The following BAALC variants were observed in gnomAD, a reference collection of about 807,000 sequenced individuals.
BAALC encodes brain and acute leukemia cytoplasmic protein.
In BAALC, 9 loss-of-function variants were observed where a neutral mutation model predicts 15.5. The observed-to-expected ratio is 0.58, with a 90% CI of 0.35 to 1.02. BAALC has a LOEUF of 1.02. Ranked by LOEUF, BAALC falls within the 50% of genes least tolerant of loss-of-function variation. The probability of loss-of-function intolerance (pLI) is 0.02; values close to 1 mark genes in which losing one functional copy is unlikely to be tolerated. For missense variants in BAALC, 201 were observed against 192.4 expected, an observed-to-expected ratio of 1.04 and a Z score of -0.27; for synonymous variants, 80 against 74.6, an observed-to-expected ratio of 1.07 and a Z score of -0.37.
chr8:103,171,702 C>A (rs1811498278), intron 1 of BAALC, among the ~76,000 whole-genome samples: 1 of 152,088 alleles, frequency 6.6e-6, no homozygotes, highest in Admixed American at 6.5e-5. Flanking sequence ...TTGTGGAGAA[C>A]AAAGAGAAAC....
intron 2 of BAALC, among the ~76,000 whole-genome samples, chr8:103,223,218 G>C (rs1363748513): frequency 6.6e-6 from 1 of 152,158 alleles, no homozygotes; most frequent in Non-Finnish European, 1.5e-5. Flanking sequence ...TGAGGCAGGA[G>C]AATCTCTTGA....
At chr8:103,192,800 C>T (rs1812000920) in intron 1 of BAALC, among the ~76,000 whole-genome samples, 1 of 152,200 alleles carries the variant, frequency 6.6e-6, no homozygotes, top group Non-Finnish European at 1.5e-5. Context: ...GGGACAGCAT[C>T]CACTCCTTAG....
intron 1 of BAALC, among the ~76,000 whole-genome samples, chr8:103,202,316 CTG>C (rs1346681835): frequency 6.6e-6 from 1 of 152,122 alleles, no homozygotes; most frequent in East Asian, 1.9e-4. Context: ...TCCAGTATGA[CTG>C]GTGTCATAAG....
At chr8:103,211,996 T>C (rs1812456111) in intron 1 of BAALC, among the ~76,000 whole-genome samples, 1 of 152,206 alleles carries the variant, frequency 6.6e-6, no homozygotes, top group African/African-American at 2.4e-5. Flanking sequence ...CCTTTTCTCT[T>C]TCCAATAAGA....
chr8:103,212,112 A>C (rs1224409394), intron 1 of BAALC, among the ~76,000 whole-genome samples: 2 of 152,184 alleles, frequency 1.3e-5, no homozygotes, highest in Non-Finnish European at 2.9e-5. Flanking sequence ...AAAGGCACAC[A>C]TACTCAGTCC....
Position 103,141,033 on chromosome 8 carries a change from C to G in BAALC, c.136C>G (p.Pro46Ala), listed in dbSNP as rs372167132. The G allele has an allele frequency of 3.9e-4, 593 of 1,509,108 alleles. 3 individuals are homozygous for G. In the African/African-American group the frequency reaches 7.4e-3, roughly 19 times the overall value. 93.5% of individuals were successfully genotyped at this position (1,509,108 alleles called of 1,614,324 possible). Residue 46 changes from proline to alanine, a missense_variant, in exon 1 of 3, where the codon CCC becomes GCC. Pro to Ala is a conservative substitution (Grantham distance 27). Transcript: ENST00000309982. ...CAGCGCCGCCGCCCCGGACAGCGGC[C>G]CCGAAGCGGGCGGCCTGCACTCGGG... The part of the protein sequence containing the change: ...PPSAAAPDSG[P>A]EAGGLHSGML...
chr8:103,222,462 T>C (rs756958661), intron 2 of BAALC, among the ~76,000 whole-genome samples: 1 of 152,168 alleles, frequency 6.6e-6, no homozygotes, highest in Non-Finnish European at 1.5e-5. Context: ...ACCTATCTGA[T>C]GAGAATTTAT....
chr8:103,147,154 T>G (rs952773268), intron 1 of BAALC, among the ~76,000 whole-genome samples: 1 of 152,248 alleles, frequency 6.6e-6, no homozygotes, highest in African/African-American at 2.4e-5. Context: ...GAGTCTCATC[T>G]TAGATGCTTT....
intron 2 of BAALC, among the ~76,000 whole-genome samples, chr8:103,224,851 G>T (rs898759698): frequency 6.6e-6 from 1 of 152,142 alleles, no homozygotes; most frequent in African/African-American, 2.4e-5. Context: ...AGTAAGTCAC[G>T]ATATACAGGG....
intron 1 of BAALC, among the ~76,000 whole-genome samples, chr8:103,193,194 A>G (rs1812011695): frequency 6.6e-6 from 1 of 152,236 alleles, no homozygotes; most frequent in Non-Finnish European, 1.5e-5. Context: ...CCCCTGTCAC[A>G]GGCGTCACTT....
chr8:103,168,626 T>G (rs1405244306), intron 1 of BAALC, among the ~76,000 whole-genome samples: 2 of 152,150 alleles, frequency 1.3e-5, no homozygotes, highest in Admixed American at 6.6e-5. Flanking sequence ...AATTTTTTCT[T>G]TTAATTGCCC....
chr8:103,161,518 G>T (rs899699557), intron 1 of BAALC, among the ~76,000 whole-genome samples: 6 of 152,062 alleles, frequency 3.9e-5, no homozygotes, highest in African/African-American at 1.4e-4. Context: ...ATGTGTCCTG[G>T]TTTATTAAAC....
intron 1 of BAALC, among the ~76,000 whole-genome samples, chr8:103,142,340 A>G (rs1810796028): frequency 6.6e-6 from 1 of 152,236 alleles, no homozygotes; most frequent in Admixed American, 6.5e-5. Flanking sequence ...AAGCTGTACA[A>G]TACATTACAC....
chr8:103,220,211 T>C (rs1351712269), intron 2 of BAALC, among the ~76,000 whole-genome samples: 2 of 152,166 alleles, frequency 1.3e-5, no homozygotes, highest in African/African-American at 4.8e-5. Context: ...GCCACCATCT[T>C]TAGTTTGACT....
chr8:103,191,261 G>C (rs1586416728), intron 1 of BAALC: 1 of 152,016 alleles, frequency 6.6e-6, no homozygotes, highest in Non-Finnish European at 1.5e-5. Context: ...ACAAAGAGTG[G>C]GGAACCACTT....
chr8:103,219,020 G>A (rs895393785), intron 2 of BAALC, among the ~76,000 whole-genome samples: 4 of 152,174 alleles, frequency 2.6e-5, no homozygotes, highest in Non-Finnish European at 5.9e-5. Flanking sequence ...TTAAAAGGAG[G>A]GAGCGAACAA....
intron 2 of BAALC, among the ~76,000 whole-genome samples, chr8:103,224,044 G>A (rs1174200240): frequency 1.3e-5 from 2 of 152,174 alleles, no homozygotes; most frequent in Non-Finnish European, 2.9e-5. Context: ...TTAGGAAACA[G>A]AATCACTGCC....
intron 2 of BAALC, chr8:103,219,316 C>G (rs1260348242): frequency 6.6e-6 from 1 of 152,180 alleles, no homozygotes; most frequent in African/African-American, 2.4e-5. Flanking sequence ...CTAACAGGTA[C>G]TCACTACCTA....
intron 1 of BAALC, among the ~76,000 whole-genome samples, chr8:103,209,311 G>T (rs1812397407): frequency 6.6e-6 from 1 of 152,142 alleles, no homozygotes; most frequent in African/African-American, 2.4e-5. Flanking sequence ...GGCAGAGGCT[G>T]CAGTGAGTTG....
Sources: gnomAD v4.1 joint callset for allele counts (sites outside exome capture counted in the v4.1 genomes callset) on GRCh38, gnomAD v4.1.1 for gene constraint, MANE v1.5 for transcripts, NCBI Gene and HGNC (gene_info 2026-07-23, HGNC 2026-07-21) for gene names.